ITGA7: variants seen among roughly 807,000 people sequenced by gnomAD.
ITGA7 encodes integrin subunit alpha 7, also known as integrin alpha-7.
A neutral mutation model predicts 131.6 loss-of-function variants in ITGA7; 84 were observed. The ratio of observed to expected loss-of-function variants is 0.64; its 90% CI spans 0.54 to 0.77. ITGA7 has a LOEUF of 0.77. ITGA7 is among the 30% of genes least tolerant of loss of function. ITGA7 has a pLI of 0.00. For missense variants in ITGA7, 1,399 were observed against 1,482.9 expected (o/e 0.94, Z 0.93); for synonymous variants, 548 against 600.7 (o/e 0.91, Z 1.28).
rs144436282 is a variant in ITGA7 at position 55,684,963 on chromosome 12, C to T, written c.*95G>A. The T allele has an allele frequency of 3.8e-3, 4,050 of 1,064,854 alleles. 11 individuals are homozygous for T. The highest frequency in any genetic ancestry group is 6.3e-3 in the Admixed American group (228 of 36,362). 66.0% of individuals were successfully genotyped at this position (1,064,854 alleles called of 1,614,324 possible). A position where few individuals can be genotyped will look rare whatever the true frequency, so the allele number is the denominator to read the frequency against. On this transcript the variant is annotated 3_prime_UTR_variant, in exon 25 of 25. Coordinates refer to ENST00000257879, the MANE Select transcript of ITGA7 (RefSeq NM_002206.3). ...AAGCCGATCCTGCCAAATCTTGATGCGACACCAGCAGCCCACTCTACCCTC... is the reference window on the plus strand; with the variant it reads ...AAGCCGATCCTGCCAAATCTTGATGTGACACCAGCAGCCCACTCTACCCTC...
In ITGA7 at chr12:55,697,204, G is replaced by T. The variant is rs79849707; in HGVS notation, c.1567+12C>A. ...CCAAAAGGGCGAGCCACAGAGGGGGGACCGCACTCACCCACAGTAGGGCTA... is the reference window on the plus strand; with the variant it reads ...CCAAAAGGGCGAGCCACAGAGGGGGTACCGCACTCACCCACAGTAGGGCTA... On this transcript the variant is annotated intron_variant, in intron 11 of 24. Transcript: ENST00000257879. 1 of 1,592,884 alleles carries T rather than the reference G, an allele frequency of 6.3e-7. No individual in the cohort carries two copies. The highest frequency in any genetic ancestry group is 1.8e-5 in the Admixed American group (1 of 55,682).
rs1449745995 is a variant in ITGA7 at position 55,707,667 on chromosome 12, T to G, written c.16A>C (p.Ser6Arg). Reference sequence around the variant, plus strand: ...CCGGAGGCCCCCCAAGGGTCGCGGCTCCGAGCCCCGGCCATGGGACGATCC... The same window carrying G: ...CCGGAGGCCCCCCAAGGGTCGCGGCGCCGAGCCCCGGCCATGGGACGATCC... MAGAR[S>R]RDPWGASGIC... The change falls in exon 1 of 25, where the codon AGC (serine) becomes CGC (arginine). Residue 6 changes from serine to arginine, a missense_variant. By Grantham distance (110) the Ser-to-Arg change is moderately radical (BLOSUM62 -1). Transcript: ENST00000257879. The G allele has an allele frequency of 8.2e-6, 13 of 1,579,754 alleles. No individual in the cohort carries two copies. Among genetic ancestry groups the G allele is most frequent in the Non-Finnish European group, 1.1e-5 (13 of 1,162,790 alleles).
upstream of ITGA7, chr12:55,715,968 T>C: frequency 6.9e-7 from 1 of 1,452,298 alleles, no homozygotes; most frequent in Non-Finnish European, 9.1e-7. Context: ...TCCGCAACCC[T>C]CTACCTCTCT....
chr12:55,703,047 A>T lies in ITGA7; in HGVS notation c.334+4T>A. ...TCCCCCACTCTGTTCATGCAGGGCCACACCTCCCTGGTCGATGTCCACTCT... is the reference window on the plus strand; with the variant it reads ...TCCCCCACTCTGTTCATGCAGGGCCTCACCTCCCTGGTCGATGTCCACTCT... On this transcript the variant is annotated splice_donor_region_variant and intron_variant, in intron 2 of 24. Transcript: ENST00000257879. The T allele has an allele frequency of 1.2e-6, 2 of 1,614,054 alleles. No homozygotes were observed.
At position 55,699,957 on chromosome 12, in the gene ITGA7, C is replaced by G; in HGVS notation, c.703G>C (p.Asp235His). The G allele has an allele frequency of 6.2e-7, 1 of 1,614,064 alleles. No individual in the cohort carries two copies. The highest frequency in any genetic ancestry group is 8.5e-7 in the Non-Finnish European group (1 of 1,180,014). The part of the protein sequence containing the change: ...LLFVTNIDSS[D>H]PDQLVYKTLD... ...GTTTTATACACCAGCTGGTCGGGGT[C>G]TGAGCTATCAATGTTGGTCACAAAA... The change falls in exon 5 of 25, where the codon GAC becomes CAC. Residue 235 changes from aspartate (D) to histidine (H), a missense_variant. Asp to His is a moderately conservative substitution (Grantham distance 81). Coordinates refer to ENST00000257879, the MANE Select transcript of ITGA7 (RefSeq NM_002206.3).
At chr12:55,693,033 C>A (rs184411290) in intron 20 of ITGA7, 58 bp from the exon 21 acceptor site, 31 of 1,613,208 alleles carry the variant, frequency 1.9e-5, no homozygotes, top group Non-Finnish European at 2.4e-5. Flanking sequence ...GTGCTAAGAT[C>A]GAATCTCCTC....
intron 21 of ITGA7, 152 bp from the exon 22 acceptor site, chr12:55,689,109 A>C: frequency 3.1e-6 from 2 of 641,216 alleles, no homozygotes; most frequent in Non-Finnish European, 5.7e-6. Context: ...CCTGCCCCAA[A>C]TCTGAGCTAT....
In ITGA7 at chr12:55,684,724, G is replaced by A. The variant is rs1253324500; in HGVS notation, c.*334C>T. 2.9e-5 allele frequency: 9 copies of A among 313,706 alleles called. No individual in the cohort carries two copies. The highest frequency in any genetic ancestry group is 6.3e-5 in the African/African-American group (3 of 47,316). 19.4% of individuals were successfully genotyped at this position (313,706 alleles called of 1,614,324 possible). ...CGACCCTCTAGGTTAAGGCACTTCC[G>A]GGGAGGCAGGTCCTTGGGGTCCTGT... On this transcript the variant is annotated 3_prime_UTR_variant, in exon 25 of 25. Transcript: ENST00000257879.
rs770598589 is a variant in ITGA7 at position 55,694,542 on chromosome 12, A to C, written c.2278-20T>G. ...GGTGACCTAGGCCAAGGGTGGAAAG[A>C]GATTAGAGTCAGGGGTGGTCTACGG... On this transcript the variant is annotated intron_variant, in intron 16 of 24. Transcript: ENST00000257879. This position sits in a 1 kb window ranked among gnomAD's most constrained non-coding sequence, Gnocchi z 5.3. 1 of 1,613,934 alleles carries C rather than the reference A, an allele frequency of 6.2e-7. No homozygotes were observed. The highest frequency in any genetic ancestry group is 8.5e-7 in the Non-Finnish European group (1 of 1,179,816).
At chr12:55,714,748 G>GTATACATACATATATACACATATATACA, upstream of ITGA7, among the ~76,000 whole-genome samples, 2 of 149,020 alleles carry the variant, frequency 1.3e-5, no homozygotes, top group Non-Finnish European at 3.0e-5. Flanking sequence ...ACATATATAC[G>GTATACATACATATATACACATATATACA]TATACATACA....
chr12:55,702,951 G>T lies in ITGA7; in HGVS notation c.335C>A (p.Ala112Asp). 6.2e-7 allele frequency: 1 copy of T among 1,613,088 alleles called. No homozygotes were observed. The highest frequency in any genetic ancestry group is 8.5e-7 in the Non-Finnish European group (1 of 1,180,006). Residue 112 changes from alanine (A) to aspartate (D), a missense_variant and splice_region_variant, in exon 3 of 25, where the codon GCT (alanine) becomes GAT (aspartate). Transcript: ENST00000257879. Reference sequence around the variant, plus strand: ...CTCCTTGCTTTCCTTTTGCATATCAGCTAGAGGCAGGACACTGGGAATTAG... The same window carrying T: ...CTCCTTGCTTTCCTTTTGCATATCATCTAGAGGCAGGACACTGGGAATTAG... ...DCYRVDIDQGADMQKESKENQ... is the reference protein window; with the variant it reads ...DCYRVDIDQGDDMQKESKENQ...
At chr12:55,701,365 C>G in intron 3 of ITGA7, 6 of 1,552,802 alleles carry the variant, frequency 3.9e-6, no homozygotes, top group Non-Finnish European at 5.2e-6. Flanking sequence ...ACCCAGCAAC[C>G]TGTCTGCACC....
At chr12:55,689,013 G>T in intron 21 of ITGA7, 56 bp from the exon 22 acceptor site, 1 of 1,332,314 alleles carries the variant, frequency 7.5e-7, no homozygotes. Context: ...TGCTGAGACT[G>T]CCATCTCTCC....
intron 24 of ITGA7, 122 bp downstream of exon 24, chr12:55,687,849 C>A: frequency 7.7e-7 from 1 of 1,304,458 alleles, no homozygotes; most frequent in Non-Finnish European, 1.1e-6. Flanking sequence ...ACATGCAGGG[C>A]AAGTGTTCAG....
At position 55,697,989 on chromosome 12, in the gene ITGA7, T is replaced by C. The variant is rs770309632; in HGVS notation, c.1230A>G (p.Lys410=). ...AVGAPFDGDG[K]VFIYHGSSLG... Reference sequence around the variant, plus strand: ...GGCTGCTCCCATGGTAGATGAAGACTTTCCCATCACCATCAAAGGGGGCAC... The same window carrying C: ...GGCTGCTCCCATGGTAGATGAAGACCTTCCCATCACCATCAAAGGGGGCAC... The change falls in exon 8 of 25, where the codon AAA becomes AAG. Residue 410 remains lysine, a synonymous_variant. Transcript: ENST00000257879. The C allele has an allele frequency of 1.2e-6, 2 of 1,614,112 alleles. No individual in the cohort carries two copies. Among genetic ancestry groups the C allele is most frequent in the Non-Finnish European group, 1.7e-6 (2 of 1,180,026 alleles).
At position 55,688,322 on chromosome 12, in the gene ITGA7, C is replaced by T. The variant is rs532963819; in HGVS notation, c.2959-22G>A. On this transcript the variant is annotated intron_variant, in intron 22 of 24. Coordinates refer to ENST00000257879, the MANE Select transcript of ITGA7 (RefSeq NM_002206.3). ...ACTCCTAAGGGAACAGGGAAGGAGA[C>T]CCTTCTCCTAAATGCCCCATGTCTC... is the stretch of plus-strand genomic sequence containing the variant. The T allele has an allele frequency of 6.3e-5, 98 of 1,551,634 alleles. 2 individuals are homozygous for T. The East Asian group carries it at 9.2e-4, about 15-fold the overall frequency.
At chr12:55,697,195 C>T (rs1872805727) in intron 11 of ITGA7, 21 bp downstream of exon 11, 1 of 1,589,828 alleles carries the variant, frequency 6.3e-7, no homozygotes, top group African/African-American at 1.3e-5. Flanking sequence ...GGGCGAGCCA[C>T]AGAGGGGGGA....
At chr12:55,706,627 C>G in intron 1 of ITGA7, among the ~76,000 whole-genome samples, 1 of 152,290 alleles carries the variant, frequency 6.6e-6, no homozygotes, top group Admixed American at 6.5e-5. Context: ...TGACCAGTCA[C>G]AGGCCCCTCA....
Position 55,707,820 on chromosome 12 carries a change from G to GGCCCGA in ITGA7, c.-139_-138insTCGGGC. 16 of 1,455,710 alleles carry GGCCCGA rather than the reference G, an allele frequency of 1.1e-5. No individual in the cohort carries two copies. Among genetic ancestry groups the GGCCCGA allele is most frequent in the South Asian group, 1.4e-5 (1 of 73,614 alleles). 90.2% of individuals were successfully genotyped at this position (1,455,710 alleles called of 1,614,324 possible). On this transcript the variant is annotated 5_prime_UTR_variant, in exon 1 of 25. Coordinates refer to ENST00000257879, the MANE Select transcript of ITGA7 (RefSeq NM_002206.3). ...CGTCTCCCAGACGTTCGCCCCGCCA[G>GGCCCGA]CCCTCCCGCCCGCCCGCCGCTCCGC...
Sources: allele counts gnomAD v4.1 joint callset (sites outside exome capture counted in the v4.1 genomes callset), GRCh38; gene constraint gnomAD v4.1.1; non-coding constraint Gnocchi (gnomAD v3.1); transcripts MANE v1.5; gene names NCBI Gene and HGNC (gene_info 2026-07-23, HGNC 2026-07-21).